Variants in SASH1 observed in about 807,000 individuals in gnomAD.
SASH1 encodes the protein SAM and SH3 domain containing 1.
SASH1 carries 44 observed loss-of-function variants against 125.2 expected under a neutral mutation model. The observed-to-expected ratio is 0.35, with a 90% CI of 0.28 to 0.45. The LOEUF is 0.45. Among genes scored for constraint, SASH1 ranks in the 20% least tolerant of loss-of-function variants. The pLI is 1.00. For missense variants in SASH1, 1,426 were observed against 1,614.5 expected, an observed-to-expected ratio of 0.88 and a Z score of 2.00; for synonymous variants, 639 against 649.1, an observed-to-expected ratio of 0.98 and a Z score of 0.24.
At chr6:148,464,342 A>G (rs1451969917) in intron 4 of SASH1, among the ~76,000 whole-genome samples, 2 of 152,180 alleles carry the variant, frequency 1.3e-5, no homozygotes, top group Non-Finnish European at 2.9e-5. Flanking sequence ...GTTTAAATGG[A>G]TTTTTAAAGC....
the SASH1 span, among the ~76,000 whole-genome samples, chr6:148,251,928 C>T: frequency 1.4e-4 from 21 of 146,818 alleles, no homozygotes; most frequent in Non-Finnish European, 2.1e-4. Flanking sequence ...TGAGAACATG[C>T]GGTGTTTGGT....
chr6:148,487,110 C>CATAT lies in SASH1; in HGVS notation c.628-503_628-502insTATA, dbSNP rs1354607316. On this transcript the variant is annotated intron_variant, in intron 7 of 19. Transcript: ENST00000367467. Reference sequence around the variant, plus strand: ...ATATATATACACACACACACACACACACATATATATATATATATATGTGTA... The same window carrying CATAT: ...ATATATATACACACACACACACACACATATACATATATATATATATATATGTGTA... 3.8e-5 allele frequency among the ~76,000 whole-genome samples: 5 copies of CATAT among 132,690 alleles called. No homozygotes were observed. In the East Asian group the frequency reaches 1.4e-3, roughly 36 times the overall value. 87.0% of individuals were successfully genotyped at this position (132,690 alleles called of 152,430 possible).
chr6:148,255,572 G>C, the SASH1 span, among the ~76,000 whole-genome samples: 323 of 152,240 alleles, frequency 2.1e-3, 1 homozygote, highest in African/African-American at 7.4e-3. Flanking sequence ...ACTGGACTTG[G>C]TTGAGTTTTG....
intron 2 of SASH1, among the ~76,000 whole-genome samples, chr6:148,390,819 T>C (rs1783684617): frequency 6.6e-6 from 1 of 152,040 alleles, no homozygotes; most frequent in Admixed American, 6.5e-5. Flanking sequence ...TATTTTTATT[T>C]TTTTACTTAA....
At chr6:148,468,644 C>T (rs571151559) in intron 5 of SASH1, 59 bp downstream of exon 5, 20 of 1,088,514 alleles carry the variant, frequency 1.8e-5, no homozygotes, top group Admixed American at 4.9e-5. Flanking sequence ...ATAGAAAACA[C>T]GAATATGTGA....
At chr6:148,246,462 T>C in the SASH1 span, among the ~76,000 whole-genome samples, 7 of 152,350 alleles carry the variant, frequency 4.6e-5, no homozygotes, top group Non-Finnish European at 1.0e-4. Flanking sequence ...TTCATTTGTG[T>C]TATTTCACAC....
intron 2 of SASH1, among the ~76,000 whole-genome samples, chr6:148,396,432 A>T (rs1273618565): frequency 1.4e-5 from 2 of 140,942 alleles, no homozygotes; most frequent in African/African-American, 5.3e-5. Context: ...AGCCAAGATC[A>T]TGCCGCTTTA....
At position 148,533,968 on chromosome 6, in the gene SASH1, G is replaced by A. The variant is rs139143972; in HGVS notation, c.1932G>A (p.Arg644=). ...QPKSVEDLLD[R]INLKEHMPTF... Reference sequence around the variant, plus strand: ...AGTCTGTGGAGGATCTCCTGGATCGGATTAACCTAAAAGTCAGTCGCTTCT... The same window carrying A: ...AGTCTGTGGAGGATCTCCTGGATCGAATTAACCTAAAAGTCAGTCGCTTCT... The change falls in exon 15 of 20, where the codon CGG becomes CGA. Residue 644 remains arginine (R), a synonymous_variant. Transcript: ENST00000367467. This position sits in a 1 kb window ranked among gnomAD's most constrained non-coding sequence, Gnocchi z 6.2. The A allele has an allele frequency of 6.2e-7, 1 of 1,613,884 alleles. No individual in the cohort carries two copies. The highest frequency in any genetic ancestry group is 2.2e-5 in the East Asian group (1 of 44,874).
chr6:148,444,705 A>G (rs760666476), intron 4 of SASH1, among the ~76,000 whole-genome samples: 3 of 152,192 alleles, frequency 2.0e-5, no homozygotes, highest in Non-Finnish European at 2.9e-5. Flanking sequence ...ACTATCTGTT[A>G]CTGGAAGGGG....
At chr6:148,513,205 A>G (rs1226307333) in intron 8 of SASH1, 2 of 985,300 alleles carry the variant, frequency 2.0e-6, no homozygotes, top group Non-Finnish European at 1.2e-6. Context: ...GTATTCAGAG[A>G]TGAGGCTTGT....
chr6:148,199,480 T>C, the SASH1 span, among the ~76,000 whole-genome samples: 31 of 152,060 alleles, frequency 2.0e-4, no homozygotes, highest in Non-Finnish European at 4.0e-4. Flanking sequence ...AGGTTGGTAA[T>C]TGGGGCCAGG....
the SASH1 span, among the ~76,000 whole-genome samples, chr6:148,220,968 C>A: frequency 2.0e-4 from 30 of 152,282 alleles, no homozygotes; most frequent in Admixed American, 1.9e-3. Flanking sequence ...ATGATTTCTG[C>A]ATAGTTCATC....
intron 2 of SASH1, among the ~76,000 whole-genome samples, chr6:148,392,788 T>G (rs770954659): frequency 1.3e-5 from 2 of 152,222 alleles, no homozygotes; most frequent in African/African-American, 4.8e-5. Context: ...CCTGACGCCT[T>G]GGCCCAGGTG....
intron 17 of SASH1, among the ~76,000 whole-genome samples, chr6:148,542,418 G>A (rs1017035381): frequency 8.6e-5 from 13 of 151,694 alleles, no homozygotes; most frequent in Admixed American, 2.6e-4. Context: ...GCGGAGTCTC[G>A]CTCTGTCGCC....
intron 1 of SASH1, among the ~76,000 whole-genome samples, chr6:148,290,245 C>T (rs891205229): frequency 3.3e-5 from 5 of 151,798 alleles, no homozygotes; most frequent in East Asian, 1.9e-4. Context: ...TTAGCCTTTA[C>T]GTCTTTGATT....
At chr6:148,477,157 A>G (rs1419642289) in intron 7 of SASH1, among the ~76,000 whole-genome samples, 1 of 152,216 alleles carries the variant, frequency 6.6e-6, no homozygotes, top group Non-Finnish European at 1.5e-5. Context: ...GGACTGGGCA[A>G]AAATTTCTTG....
chr6:148,278,051 G>A (rs1191934217), intron 1 of SASH1, among the ~76,000 whole-genome samples: 2 of 149,922 alleles, frequency 1.3e-5, no homozygotes, highest in Non-Finnish European at 3.0e-5. Flanking sequence ...TTTCTGTTTT[G>A]TTTTTTTGAG....
chr6:148,474,218 C>G lies in SASH1; in HGVS notation c.623C>G (p.Ala208Gly). ...EKMITIEEAL[A>G]RLKEYEAQHR... ...ATGATCACAATTGAGGAAGCACTTG[C>G]TAGGGTAAGCATGCAGATACCTGGT... Residue 208 changes from alanine (A) to glycine (G), a missense_variant, in exon 7 of 20, where the codon GCT (alanine) becomes GGT (glycine). Ala to Gly is a moderately conservative substitution (Grantham distance 60). Around this residue, in one of 3 missense-constraint regions of SASH1, gnomAD observed 567 missense variants for 575.6 expected, o/e 0.99. Coordinates refer to ENST00000367467, the MANE Select transcript of SASH1 (RefSeq NM_015278.5). 1 of 1,580,664 alleles carries G rather than the reference C, an allele frequency of 6.3e-7. No homozygotes were observed. The highest frequency in any genetic ancestry group is 1.1e-5 in the South Asian group (1 of 87,406).
chr6:148,421,200 A>G (rs918441515), intron 2 of SASH1, among the ~76,000 whole-genome samples: 1 of 143,226 alleles, frequency 7.0e-6, no homozygotes, highest in Admixed American at 6.9e-5. Flanking sequence ...AAAGAAAGAA[A>G]GAAAGAAAGA....
Sources: allele counts gnomAD v4.1 joint callset (sites outside exome capture counted in the v4.1 genomes callset), GRCh38; gene constraint gnomAD v4.1.1; regional missense constraint gnomAD v4.1.1; non-coding constraint Gnocchi (gnomAD v3.1); transcripts MANE v1.5; gene names NCBI Gene and HGNC (gene_info 2026-07-23, HGNC 2026-07-21).